ARID2: variants seen among roughly 807,000 people sequenced by gnomAD.
ARID2 encodes AT-rich interactive domain-containing protein 2.
Under a neutral mutation model 184.6 loss-of-function variants are expected in ARID2, and 32 were observed. The ratio of observed to expected loss-of-function variants is 0.17; its 90% CI spans 0.13 to 0.23. The LOEUF (loss-of-function observed/expected upper bound fraction) is 0.23. Among genes scored for constraint, ARID2 ranks in the 10% least tolerant of loss-of-function variants. ARID2 has a pLI of 1.00. For missense variants in ARID2, 1,696 were observed against 2,197.6 expected (o/e 0.77, Z 4.56); for synonymous variants, 836 against 772.6 (o/e 1.08, Z -1.36).
intron 3 of ARID2, among the ~76,000 whole-genome samples, chr12:45,776,747 C>G (rs181768292): frequency 6.7e-6 from 1 of 148,276 alleles, no homozygotes; most frequent in African/African-American, 2.5e-5. Context: ...CCCAGGAGTT[C>G]GAGACCAGCC....
intron 16 of ARID2, chr12:45,881,228 A>C (rs1565636556): frequency 1.3e-5 from 2 of 154,614 alleles, no homozygotes; most frequent in Non-Finnish European, 2.9e-5. Context: ...CTACTGGCCA[A>C]ACTGGGTTAC....
intron 6 of ARID2, among the ~76,000 whole-genome samples, chr12:45,822,373 A>T (rs982708202): frequency 1.3e-5 from 2 of 152,082 alleles, no homozygotes; most frequent in African/African-American, 4.8e-5. Flanking sequence ...TCATTATACA[A>T]AAATATTAAA....
intron 8 of ARID2, 147 bp downstream of exon 8, chr12:45,837,138 A>G: frequency 4.9e-6 from 6 of 1,217,940 alleles, no homozygotes; most frequent in Non-Finnish European, 6.7e-6. Context: ...ATGTAGAAGT[A>G]TCACATACTT....
At chr12:45,777,783 A>G (rs901360363) in intron 3 of ARID2, among the ~76,000 whole-genome samples, 1 of 148,284 alleles carries the variant, frequency 6.7e-6, no homozygotes, top group Non-Finnish European at 1.5e-5. Context: ...TTTAAAGTTT[A>G]TATTTTTTAT....
chr12:45,837,743 T>A lies in ARID2; in HGVS notation c.1330+36T>A, dbSNP rs758076229. Reference sequence around the variant, plus strand: ...ACCAAAAAACACTTATTTTCTTTATTGAGTAAAAGTGTTTAATATGGTACT... The same window carrying A: ...ACCAAAAAACACTTATTTTCTTTATAGAGTAAAAGTGTTTAATATGGTACT... On this transcript the variant is annotated intron_variant, in intron 10 of 20. Coordinates refer to ENST00000334344, the MANE Select transcript of ARID2 (RefSeq NM_152641.4). 15 of 1,584,598 alleles carry A rather than the reference T, an allele frequency of 9.5e-6. No individual in the cohort carries two copies. In the African/African-American group the frequency reaches 2.0e-4, roughly 21 times the overall value.
intron 3 of ARID2, among the ~76,000 whole-genome samples, chr12:45,776,851 C>T (rs915126004): frequency 2.7e-5 from 4 of 147,196 alleles, no homozygotes; most frequent in African/African-American, 7.6e-5. Context: ...GCCGTGATCT[C>T]GGCTCACTGC....
Position 45,852,200 on chromosome 12 carries a change from T to A in ARID2, c.4077T>A (p.Asn1359Lys). The A allele has an allele frequency of 6.2e-7, 1 of 1,614,142 alleles. No individual in the cohort carries two copies. Among genetic ancestry groups the A allele is most frequent in the Non-Finnish European group, 8.5e-7 (1 of 1,180,012 alleles). ...IKSDLRKPLV[N>K]GICDFDKGDG... ...GTGATTTGAGAAAACCGCTAGTTAA[T>A]GGAATCTGTGATTTTGATAAAGGAG... Residue 1359 changes from asparagine (N) to lysine (K), a missense_variant, in exon 15 of 21, where the codon AAT (asparagine) becomes AAA (lysine). By Grantham distance (94) the Asn-to-Lys change is moderately conservative (BLOSUM62 0). This residue lies in a region of ARID2 where 428 missense variants were observed against 409.1 expected (regional missense o/e 1.05). Transcript: ENST00000334344.
rs372441467 is a variant in ARID2 at position 45,817,854 on chromosome 12, T to C, written c.603T>C (p.Thr201=). 6.2e-7 allele frequency: 1 copy of C among 1,613,100 alleles called. No individual in the cohort carries two copies. The highest frequency in any genetic ancestry group is 1.7e-5 in the Admixed American group (1 of 59,852). ...TTGAAAAAGATCCTAAAATCATCAC[T>C]TTACTACTTGCTAATGCCGGGGTGT... The part of the protein sequence containing the change: ...MQLEKDPKII[T]LLLANAGVFD... The change falls in exon 5 of 21, where the codon ACT becomes ACC. Residue 201 remains threonine, a synonymous_variant. Coordinates refer to ENST00000334344, the MANE Select transcript of ARID2 (RefSeq NM_152641.4).
At chr12:45,760,973 C>A (rs1941667219) in intron 3 of ARID2, among the ~76,000 whole-genome samples, 2 of 152,094 alleles carry the variant, frequency 1.3e-5, no homozygotes, top group African/African-American at 4.8e-5. Flanking sequence ...GCAGTCCTTC[C>A]ATGTTGGCCC....
Position 45,848,855 on chromosome 12 carries a change from G to A in ARID2, c.1600G>A (p.Val534Ile), listed in dbSNP as rs1337355833. The change falls in exon 13 of 21, where the codon GTA (valine) becomes ATA (isoleucine). Residue 534 changes from valine to isoleucine, a missense_variant. Physicochemically the swap from Val to Ile is conservative, Grantham distance 29. Coordinates refer to ENST00000334344, the MANE Select transcript of ARID2 (RefSeq NM_152641.4). ...ACQWLNAHFE[V>I]NPDCSVSRAE... ...TTTTAGGCTAAATGCTCATTTTGAAGTAAATCCAGATTGTTCTGTTTCTCG... is the reference window on the plus strand; with the variant it reads ...TTTTAGGCTAAATGCTCATTTTGAAATAAATCCAGATTGTTCTGTTTCTCG... 1 of 1,611,010 alleles carries A rather than the reference G, an allele frequency of 6.2e-7. No individual in the cohort carries two copies. Among genetic ancestry groups the A allele is most frequent in the African/African-American group, 1.3e-5 (1 of 74,810 alleles).
chr12:45,837,294 C>A (rs2138129986), intron 8 of ARID2, 27 bp from the exon 9 acceptor site: 1 of 1,537,670 alleles, frequency 6.5e-7, no homozygotes, highest in South Asian at 1.2e-5. Context: ...AAGCATAGCT[C>A]AATAATAGTG....
At chr12:45,769,511 CA>C in intron 3 of ARID2, among the ~76,000 whole-genome samples, 1 of 152,110 alleles carries the variant, frequency 6.6e-6, no homozygotes, top group East Asian at 1.9e-4. Context: ...AGAAAAAAAG[CA>C]TGGAGAATAA....
rs373875150 is a variant in ARID2, at chr12:45,893,427, A to C, written c.5155A>C (p.Thr1719Pro). ...TCTCTCTGATCAATTTAGGCAGCCAACTGTAGGGGGCACAAGCTCAACTCC... is the reference window on the plus strand; with the variant it reads ...TCTCTCTGATCAATTTAGGCAGCCACCTGTAGGGGGCACAAGCTCAACTCC... Reference protein sequence around the residue: ...GSQKSSTKQPTVGGTSSTPRA... With the variant: ...GSQKSSTKQPPVGGTSSTPRA... Residue 1719 changes from threonine (T) to proline (P), a missense_variant, in exon 19 of 21, where the codon ACT becomes CCT. Transcript: ENST00000334344. 1.1e-5 allele frequency: 17 copies of C among 1,612,464 alleles called. No individual in the cohort carries two copies. The highest frequency in any genetic ancestry group is 2.7e-5 in the African/African-American group (2 of 74,804).
intron 6 of ARID2, among the ~76,000 whole-genome samples, chr12:45,831,588 T>G: frequency 6.6e-6 from 1 of 152,190 alleles, no homozygotes. Flanking sequence ...TCACTCTGTT[T>G]TGCTATCAGA....
At position 45,851,786 on chromosome 12, in the gene ARID2, A is replaced by G. The variant is rs1229165133; in HGVS notation, c.3663A>G (p.Gln1221=). The change falls in exon 15 of 21, where the codon CAA becomes CAG. Residue 1221 remains glutamine (Q), a synonymous_variant. Coordinates refer to ENST00000334344, the MANE Select transcript of ARID2 (RefSeq NM_152641.4). ...GLPVQTLPAT[Q]ASPAGQSSCT... Reference sequence around the variant, plus strand: ...CAGTACAAACGCTTCCAGCCACTCAAGCATCTCCTGCTGGACAATCATCAT... The same window carrying G: ...CAGTACAAACGCTTCCAGCCACTCAGGCATCTCCTGCTGGACAATCATCAT... The G allele has an allele frequency of 3.4e-5, 55 of 1,614,010 alleles. No homozygotes were observed. Among genetic ancestry groups the G allele is most frequent in the Admixed American group, 3.0e-4 (18 of 60,002 alleles).
intron 6 of ARID2, among the ~76,000 whole-genome samples, chr12:45,835,624 G>A (rs1248598366): frequency 4.6e-5 from 7 of 152,086 alleles, no homozygotes; most frequent in Admixed American, 1.3e-4. Flanking sequence ...TTTCCAGGCC[G>A]GGCGCTGTGG....
At chr12:45,864,100 G>A (rs1334621842) in intron 16 of ARID2, among the ~76,000 whole-genome samples, 2 of 151,532 alleles carry the variant, frequency 1.3e-5, no homozygotes, top group Non-Finnish European at 2.9e-5. Flanking sequence ...CAAGTGATCT[G>A]CCCACCTCAG....
intron 15 of ARID2, among the ~76,000 whole-genome samples, chr12:45,857,035 T>A (rs1318314806): frequency 1.3e-5 from 2 of 152,154 alleles, no homozygotes; most frequent in African/African-American, 4.8e-5. Flanking sequence ...GAAAGAAACT[T>A]AGATACAAAA....
chr12:45,868,276 A>G (rs769530404), intron 16 of ARID2, among the ~76,000 whole-genome samples: 1 of 152,152 alleles, frequency 6.6e-6, no homozygotes, highest in African/African-American at 2.4e-5. Context: ...CCCTGTCTCT[A>G]CTAAAAATAC....
Sources: allele counts gnomAD v4.1 joint callset (sites outside exome capture counted in the v4.1 genomes callset), GRCh38; gene constraint gnomAD v4.1.1; regional missense constraint gnomAD v4.1.1; transcripts MANE v1.5; gene names NCBI Gene and HGNC (gene_info 2026-07-23, HGNC 2026-07-21).